The following ALKBH3 variants were observed in gnomAD, a reference collection of about 807,000 sequenced individuals.
The protein encoded by ALKBH3 is alpha-ketoglutarate-dependent dioxygenase alkB homolog 3.
Under a neutral mutation model 43.9 loss-of-function variants are expected in ALKBH3, and 51 were observed. That is an observed-to-expected ratio of 1.16 (90% confidence interval 0.93 to 1.47). The LOEUF (loss-of-function observed/expected upper bound fraction) is 1.47. ALKBH3 is among the 40% of genes most tolerant of loss of function. The probability of loss-of-function intolerance (pLI) is 0.00; values close to 1 mark genes in which losing one functional copy is unlikely to be tolerated. For missense variants in ALKBH3, 361 were observed against 351.9 expected, an observed-to-expected ratio of 1.03 and a Z score of -0.21; for synonymous variants, 102 against 115.2, an observed-to-expected ratio of 0.89 and a Z score of 0.73.
intron 7 of ALKBH3, chr11:43,898,838 G>A: frequency 1.3e-6 from 1 of 765,732 alleles, no homozygotes; most frequent in Non-Finnish European, 2.4e-6. Flanking sequence ...GACTACCAGG[G>A]TCCTGGAGGC....
Position 43,880,873 on chromosome 11 carries a change from C to T in ALKBH3, c.-377C>T, listed in dbSNP as rs7106241. The T allele has an allele frequency of 0.067, 10,244 of 152,208 alleles. 398 individuals carry two copies. Among genetic ancestry groups the T allele is most frequent in the African/African-American group, 0.12 (4,807 of 41,528 alleles). 9.4% of individuals were successfully genotyped at this position (152,208 alleles called of 1,614,324 possible). The stretch of plus-strand genomic sequence containing the variant: ...CACAGACTGCGGAGTGGGTCAGGGG[C>T]TGCGAGGGCTGCCCCAAGTCCTACC... On this transcript the variant is annotated 5_prime_UTR_variant, in exon 1 of 10. Transcript: ENST00000302708.
chr11:43,886,690 A>G (rs1951748921), intron 5 of ALKBH3, 37 bp downstream of exon 5: 1 of 1,593,112 alleles, frequency 6.3e-7, no homozygotes, highest in Admixed American at 1.7e-5. Context: ...CGTAATTATC[A>G]CTGAGTTATA....
At chr11:43,911,393 T>G (rs1165395198) in intron 8 of ALKBH3, among the ~76,000 whole-genome samples, 1 of 152,128 alleles carries the variant, frequency 6.6e-6, no homozygotes, top group Non-Finnish European at 1.5e-5. Context: ...AAGCTGGGAT[T>G]TCTGCATTTG....
Position 43,901,605 on chromosome 11 carries a change from T to G in ALKBH3, c.549T>G (p.Asn183Lys). Residue 183 changes from asparagine to lysine, a missense_variant, in exon 8 of 10, where the codon AAT becomes AAG. By Grantham distance (94) the Asn-to-Lys change is moderately conservative. Coordinates refer to ENST00000302708, the MANE Select transcript of ALKBH3 (RefSeq NM_139178.4). Reference protein sequence around the residue: ...FNSLLCNLYRNEKDSVDWHSD... With the variant: ...FNSLLCNLYRKEKDSVDWHSD... ...CCTTACTCTGCAATCTTTATCGCAA[T>G]GAGAAGGACAGCGTGGACTGGCACA... The G allele has an allele frequency of 6.2e-7, 1 of 1,614,244 alleles. No homozygotes were observed.
intron 8 of ALKBH3, among the ~76,000 whole-genome samples, chr11:43,916,398 T>C (rs140119446): frequency 7.9e-5 from 12 of 152,342 alleles, no homozygotes; most frequent in Admixed American, 7.2e-4. Context: ...ATACATGTTT[T>C]TCGCTTTTTC....
Position 43,880,938 on chromosome 11 carries a change from C to G in ALKBH3, c.-312C>G, listed in dbSNP as rs1951706544. 6.6e-6 allele frequency: 1 copy of G among 152,516 alleles called. No individual in the cohort carries two copies. 9.4% of individuals were successfully genotyped at this position (152,516 alleles called of 1,614,324 possible). A position where few individuals can be genotyped will look rare whatever the true frequency, so the allele number is the denominator to read the frequency against. Reference sequence around the variant, plus strand: ...GCGCCCGGCTCCGCCCGCAAGTGCGCCTTCCTGACTTACTGCTGGGTGCGC... The same window carrying G: ...GCGCCCGGCTCCGCCCGCAAGTGCGGCTTCCTGACTTACTGCTGGGTGCGC... On this transcript the variant is annotated 5_prime_UTR_variant, in exon 1 of 10. Coordinates refer to ENST00000302708, the MANE Select transcript of ALKBH3 (RefSeq NM_139178.4).
At chr11:43,903,995 A>G (rs1453289132) in intron 8 of ALKBH3, among the ~76,000 whole-genome samples, 1 of 152,246 alleles carries the variant, frequency 6.6e-6, no homozygotes, top group African/African-American at 2.4e-5. Flanking sequence ...GTTATAGGGT[A>G]ACATGTAGAT....
In ALKBH3 at chr11:43,919,124, A is replaced by G; in HGVS notation, c.756A>G (p.Gln252=). Reference sequence around the variant, plus strand: ...TGTTAATCATGGAAGGAGCGACACAAGCTGACTGGCAGGTGAGGATCTGCA... The same window carrying G: ...TGTTAATCATGGAAGGAGCGACACAGGCTGACTGGCAGGTGAGGATCTGCA... ...GTLLIMEGAT[Q]ADWQHRVPKE... is the part of the protein sequence containing the mutation. The change falls in exon 9 of 10, where the codon CAA becomes CAG. Residue 252 remains glutamine, a synonymous_variant. Transcript: ENST00000302708. 6.2e-7 allele frequency: 1 copy of G among 1,612,940 alleles called. No homozygotes were observed. Among genetic ancestry groups the G allele is most frequent in the Non-Finnish European group, 8.5e-7 (1 of 1,178,996 alleles).
chr11:43,883,501 C>T (rs749991365), intron 3 of ALKBH3, among the ~76,000 whole-genome samples: 22 of 152,164 alleles, frequency 1.4e-4, no homozygotes, highest in Non-Finnish European at 2.5e-4. Context: ...AGTGCTATTG[C>T]ACTTCACCAT....
At chr11:43,894,438 T>C (rs567644230) in intron 7 of ALKBH3, among the ~76,000 whole-genome samples, 1 of 152,270 alleles carries the variant, frequency 6.6e-6, no homozygotes, top group Non-Finnish European at 1.5e-5. Context: ...AGACATTCAG[T>C]TCTGAGGCAT....
intron 2 of ALKBH3, 49 bp downstream of exon 2, chr11:43,882,780 A>C (rs1445697948): frequency 1.2e-5 from 19 of 1,522,722 alleles, no homozygotes; most frequent in Middle Eastern, 1.7e-4. Flanking sequence ...GACAACTCTC[A>C]TTCTCTTTTA....
At chr11:43,919,226 CA>C in intron 9 of ALKBH3, 90 bp downstream of exon 9, 5 of 1,147,374 alleles carry the variant, frequency 4.4e-6, no homozygotes, top group Non-Finnish European at 6.5e-6. Context: ...TGGTGAAAAG[CA>C]AGCTGCTTTT....
chr11:43,917,546 C>T (rs1482040930), intron 8 of ALKBH3, among the ~76,000 whole-genome samples: 1 of 152,198 alleles, frequency 6.6e-6, no homozygotes, highest in Non-Finnish European at 1.5e-5. Context: ...GCTGACTATA[C>T]AGCCTAAATT....
At chr11:43,899,438 A>G in intron 7 of ALKBH3, 2 of 703,922 alleles carry the variant, frequency 2.8e-6, no homozygotes, top group Admixed American at 1.8e-5. Context: ...CGCCAAAGTG[A>G]TAGGCTCCGA....
At chr11:43,901,438 C>T (rs139071413) in intron 7 of ALKBH3, 78 bp from the exon 8 acceptor site, 1 of 1,560,914 alleles carries the variant, frequency 6.4e-7, no homozygotes, top group Non-Finnish European at 8.7e-7. Flanking sequence ...TTTGCCCTTT[C>T]TTTTCTGTTT....
In ALKBH3 at chr11:43,884,012, G is replaced by C. The variant is rs200629739; in HGVS notation, c.213G>C (p.Val71=). ...QVVRRAPEPR[V]IDREGVYEIS... is the part of the protein sequence containing the mutation. ...TACGTAGAGCTCCTGAGCCACGAGT[G>C]ATTGAGTAAGTAATTTGCTGTCTTC... The change falls in exon 4 of 10, where the codon GTG becomes GTC. Residue 71 remains valine (V), a synonymous_variant. Transcript: ENST00000302708. The C allele has an allele frequency of 2.5e-6, 4 of 1,613,814 alleles. No individual in the cohort carries two copies. The African/African-American group carries it at 5.3e-5, about 22-fold the overall frequency.
chr11:43,914,576 A>G (rs1479609298), intron 8 of ALKBH3, among the ~76,000 whole-genome samples: 2 of 151,578 alleles, frequency 1.3e-5, no homozygotes, highest in East Asian at 1.9e-4. Flanking sequence ...TAAAAAAAAA[A>G]CTAAAAGGAA....
intron 4 of ALKBH3, among the ~76,000 whole-genome samples, chr11:43,885,988 G>A (rs1951743823): frequency 6.6e-6 from 1 of 152,138 alleles, no homozygotes; most frequent in Non-Finnish European, 1.5e-5. Context: ...TGGGGATGCC[G>A]GGTGATGGGG....
Position 43,897,977 on chromosome 11 carries a change from C to T in ALKBH3, c.460-3539C>T, listed in dbSNP as rs1178358234. The T allele has an allele frequency of 8.8e-6, 7 of 793,792 alleles. No individual in the cohort carries two copies. In the African/African-American group the frequency reaches 1.2e-4, roughly 13 times the overall value. 49.2% of individuals were successfully genotyped at this position (793,792 alleles called of 1,614,324 possible). A position where few individuals can be genotyped will look rare whatever the true frequency, so the allele number is the denominator to read the frequency against. On this transcript the variant is annotated intron_variant, in intron 7 of 9. Coordinates refer to ENST00000302708, the MANE Select transcript of ALKBH3 (RefSeq NM_139178.4). ...ATAACCTTTGTGCCCCATTGGACTCCACCTTCCATCACGCCCTCTTCAGAG... is the reference window on the plus strand; with the variant it reads ...ATAACCTTTGTGCCCCATTGGACTCTACCTTCCATCACGCCCTCTTCAGAG...
Sources: allele counts gnomAD v4.1 joint callset (sites outside exome capture counted in the v4.1 genomes callset), GRCh38; gene constraint gnomAD v4.1.1; transcripts MANE v1.5; gene names NCBI Gene and HGNC (gene_info 2026-07-23, HGNC 2026-07-21).